Variants in CIP2A observed in about 807,000 individuals in gnomAD.
CIP2A encodes the protein protein CIP2A.
A neutral mutation model predicts 110.9 loss-of-function variants in CIP2A; 103 were observed. That is an observed-to-expected ratio of 0.93 (90% CI 0.79 to 1.09). CIP2A has a LOEUF of 1.09. Ranked by LOEUF, CIP2A falls within the 50% of genes least tolerant of loss-of-function variation. The probability of loss-of-function intolerance (pLI) is 0.00; values close to 1 mark genes in which losing one functional copy is unlikely to be tolerated. For missense variants in CIP2A, 1,088 were observed against 1,038.4 expected, an observed-to-expected ratio of 1.05 and a Z score of -0.66; for synonymous variants, 381 against 361.6, an observed-to-expected ratio of 1.05 and a Z score of -0.61.
At position 108,559,621 on chromosome 3, in the gene CIP2A, C is replaced by T. The variant is rs2107319747; in HGVS notation, c.2013+136G>A. On this transcript the variant is annotated intron_variant, in intron 16 of 20. Coordinates refer to ENST00000295746, the MANE Select transcript of CIP2A (RefSeq NM_020890.3). Reference sequence around the variant, plus strand: ...ACCAAAATTAAAGAGGACAGAATTTCAGGAAGAAGGAAGGAGGCATGTCAA... The same window carrying T: ...ACCAAAATTAAAGAGGACAGAATTTTAGGAAGAAGGAAGGAGGCATGTCAA... 3 of 467,512 alleles carry T rather than the reference C, an allele frequency of 6.4e-6. No homozygotes were observed. The East Asian group carries it at 9.9e-5, about 15-fold the overall frequency. The allele number at this position is 467,512 out of a possible 1,614,324, so 29.0% of individuals were successfully genotyped here. A position where few individuals can be genotyped will look rare whatever the true frequency, so the allele number is the denominator to read the frequency against.
intron 6 of CIP2A, 31 bp from the exon 7 acceptor site, chr3:108,579,457 AC>A: frequency 4.4e-6 from 7 of 1,578,638 alleles, no homozygotes; most frequent in Non-Finnish European, 6.0e-6. Flanking sequence ...AGCATATTAG[AC>A]AAAAAATTAA....
intron 1 of CIP2A, among the ~76,000 whole-genome samples, chr3:108,586,232 G>T (rs1218498473): frequency 6.6e-6 from 1 of 152,088 alleles, no homozygotes; most frequent in Non-Finnish European, 1.5e-5. Flanking sequence ...CACATTATCT[G>T]TTCCCAAGGA....
intron 8 of CIP2A, among the ~76,000 whole-genome samples, chr3:108,575,377 C>T (rs1180588445): frequency 3.3e-5 from 5 of 149,498 alleles, no homozygotes; most frequent in African/African-American, 9.9e-5. Flanking sequence ...TACACATATA[C>T]ATGTATGCGT....
intron 12 of CIP2A, 88 bp from the exon 13 acceptor site, chr3:108,563,332 A>G (rs2107325696): frequency 1.3e-6 from 1 of 769,678 alleles, no homozygotes; most frequent in Non-Finnish European, 2.3e-6. Flanking sequence ...ATATATGTAA[A>G]TCTTAATTCT....
chr3:108,560,466 C>T (rs566093552), intron 14 of CIP2A, among the ~76,000 whole-genome samples, 183 bp downstream of exon 14: 3 of 152,292 alleles, frequency 2.0e-5, no homozygotes, highest in East Asian at 1.9e-4. Flanking sequence ...AGCCACCGCA[C>T]CCGGCAAAAT....
intron 7 of CIP2A, among the ~76,000 whole-genome samples, chr3:108,577,853 C>T (rs1296695784): frequency 1.3e-5 from 2 of 152,130 alleles, no homozygotes; most frequent in Non-Finnish European, 2.9e-5. Context: ...GAGCCAGGAT[C>T]ACACCACTGC....
chr3:108,580,880 C>A (rs886289066), intron 5 of CIP2A, among the ~76,000 whole-genome samples: 3 of 152,114 alleles, frequency 2.0e-5, no homozygotes, highest in African/African-American at 7.2e-5. Flanking sequence ...CCTGCCTTGG[C>A]CTCCAAAGTG....
chr3:108,589,359 C>G lies in CIP2A; in HGVS notation c.17G>C (p.Cys6Ser). 3 of 1,613,446 alleles carry G rather than the reference C, an allele frequency of 1.9e-6. No homozygotes were observed. Among genetic ancestry groups the G allele is most frequent in the Non-Finnish European group, 2.5e-6 (3 of 1,179,626 alleles). ...GACAGTCAGGAGCAAGGACTTCAAG[C>G]AGGCAGTGGAGTCCATTGCACCGGC... MDSTA[C>S]LKSLLLTVSQ... The change falls in exon 1 of 21, where the codon TGC becomes TCC. Residue 6 changes from cysteine (C) to serine (S), a missense_variant. Physicochemically the swap from Cys to Ser is moderately radical, Grantham distance 112. Transcript: ENST00000295746.
At chr3:108,566,169 T>G (rs1377093059) in intron 11 of CIP2A, among the ~76,000 whole-genome samples, 2 of 151,728 alleles carry the variant, frequency 1.3e-5, no homozygotes, top group Non-Finnish European at 3.0e-5. Flanking sequence ...TTTTTCATGC[T>G]TTTCATTTAA....
Position 108,579,598 on chromosome 3 carries a change from T to C in CIP2A, c.640A>G (p.Ser214Gly). ...CCCACCTCTTCATTTAATGTCAAAC[T>C]GGATAATATTGAAAGTGCAAACACA... ...VVVFALSILS[S>G]LTLNEEVGEK... The change falls in exon 6 of 21, where the codon AGT becomes GGT. Residue 214 changes from serine (S) to glycine (G), a missense_variant. Coordinates refer to ENST00000295746, the MANE Select transcript of CIP2A (RefSeq NM_020890.3). 1 of 1,596,768 alleles carries C rather than the reference T, an allele frequency of 6.3e-7. No homozygotes were observed. Among genetic ancestry groups the C allele is most frequent in the South Asian group, 1.1e-5 (1 of 87,982 alleles).
chr3:108,562,224 C>A (rs1334516903), intron 13 of CIP2A, among the ~76,000 whole-genome samples: 1 of 152,092 alleles, frequency 6.6e-6, no homozygotes, highest in African/African-American at 2.4e-5. Flanking sequence ...ATAGCATGGA[C>A]CAGCACTTTT....
Position 108,552,376 on chromosome 3 carries a change from TA to T in CIP2A, c.2408-4del. 1 of 1,507,978 alleles carries T rather than the reference TA, an allele frequency of 6.6e-7. No homozygotes were observed. The allele number at this position is 1,507,978 out of a possible 1,614,324, so 93.4% of individuals were successfully genotyped here. A position where few individuals can be genotyped will look rare whatever the true frequency, so the allele number is the denominator to read the frequency against. On this transcript the variant is annotated splice_polypyrimidine_tract_variant and splice_region_variant and intron_variant, in intron 19 of 20. Coordinates refer to ENST00000295746, the MANE Select transcript of CIP2A (RefSeq NM_020890.3). The stretch of plus-strand genomic sequence containing the variant: ...TACTTTTGTTTTTTGATGCAAATCT[TA>T]AAAGAAAAAAAAGTCAAGTATTATA...
chr3:108,579,617 A>G lies in CIP2A; in HGVS notation c.621T>C (p.Phe207=). 1 of 1,604,654 alleles carries G rather than the reference A, an allele frequency of 6.2e-7. No homozygotes were observed. The highest frequency in any genetic ancestry group is 8.5e-7 in the Non-Finnish European group (1 of 1,174,192). The change falls in exon 6 of 21, where the codon TTT becomes TTC. Residue 207 remains phenylalanine (F), a synonymous_variant. Coordinates refer to ENST00000295746, the MANE Select transcript of CIP2A (RefSeq NM_020890.3). ...TCAAACTGGATAATATTGAAAGTGCAAACACAACCACAGTTAAACTACTAT... is the reference window on the plus strand; with the variant it reads ...TCAAACTGGATAATATTGAAAGTGCGAACACAACCACAGTTAAACTACTAT... ...LAHSSLTVVV[F]ALSILSSLTL...
intron 8 of CIP2A, among the ~76,000 whole-genome samples, chr3:108,573,458 T>C (rs1559697632): frequency 6.6e-6 from 1 of 152,022 alleles, no homozygotes; most frequent in African/African-American, 2.4e-5. Flanking sequence ...TATTTATTTT[T>C]ATTTTTTTAC....
At chr3:108,569,126 T>C (rs1321466667) in intron 9 of CIP2A, among the ~76,000 whole-genome samples, 2 of 107,238 alleles carry the variant, frequency 1.9e-5, no homozygotes, top group African/African-American at 6.6e-5. Flanking sequence ...ACAAATTATA[T>C]AAATCTTTTT....
At chr3:108,555,573 G>A (rs1003892025) in intron 17 of CIP2A, among the ~76,000 whole-genome samples, 11 of 152,248 alleles carry the variant, frequency 7.2e-5, no homozygotes, top group Admixed American at 5.9e-4. Context: ...CTCAGGTAAG[G>A]AGAAAATGAA....
intron 16 of CIP2A, 74 bp downstream of exon 16, chr3:108,559,680 AAAT>A (rs1937930657): frequency 5.5e-6 from 4 of 730,804 alleles, no homozygotes; most frequent in Non-Finnish European, 8.4e-6. Context: ...TTAGAGTAAC[AAAT>A]ACATAACTAA....
At chr3:108,584,465 C>T (rs1031140073) in intron 2 of CIP2A, among the ~76,000 whole-genome samples, 4 of 152,162 alleles carry the variant, frequency 2.6e-5, no homozygotes, top group African/African-American at 9.6e-5. Context: ...CCATTTTACT[C>T]TATGTCTGGG....
chr3:108,562,555 C>A (rs1345006993), intron 13 of CIP2A, among the ~76,000 whole-genome samples: 2 of 152,090 alleles, frequency 1.3e-5, no homozygotes, highest in Non-Finnish European at 2.9e-5. Context: ...TCAGAGAGCC[C>A]TGAAATCTGA....
Sources: gnomAD v4.1 joint callset for allele counts (sites outside exome capture counted in the v4.1 genomes callset) on GRCh38, gnomAD v4.1.1 for gene constraint, MANE v1.5 for transcripts, NCBI Gene and HGNC (gene_info 2026-07-23, HGNC 2026-07-21) for gene names.